The following DNAH8 variants were observed in gnomAD, a reference collection of about 807,000 sequenced individuals.
The protein encoded by DNAH8 is axonemal beta dynein heavy chain 8.
In DNAH8, 382 loss-of-function variants were observed where a neutral mutation model predicts 562.1. That is an observed-to-expected ratio of 0.68 (90% CI 0.63 to 0.74). The LOEUF (loss-of-function observed/expected upper bound fraction) is 0.74, where lower values mean the gene tolerates loss of function less well. DNAH8 is among the 30% of genes least tolerant of loss of function. DNAH8 has a pLI of 0.00. For synonymous variants in DNAH8, 1,881 were observed against 1,919.4 expected (o/e 0.98, Z 0.52); for missense variants, 5,203 against 5,620.4 (o/e 0.93, Z 2.37).
chr6:38,808,669 A>G (rs1399933154), intron 24 of DNAH8, among the ~76,000 whole-genome samples: 1 of 152,236 alleles, frequency 6.6e-6, no homozygotes, highest in African/African-American at 2.4e-5. Context: ...TGTTCACAAT[A>G]GCAAAGGCTT....
Position 38,875,668 on chromosome 6 carries a change from A to G in DNAH8, c.7698A>G (p.Leu2566=), listed in dbSNP as rs1777941686. The change falls in exon 53 of 93, where the codon TTA becomes TTG. Residue 2566 remains leucine (L), a synonymous_variant. Coordinates refer to ENST00000327475, the MANE Select transcript of DNAH8 (RefSeq NM_001206927.2). The part of the protein sequence containing the change: ...GVSCVEHLHK[L]FVFGLMWSLG... ...CCTGTGTCGAACATCTTCATAAATT[A>G]TTTGTGTTTGGCCTAATGTGGAGTT... The G allele has an allele frequency of 6.2e-7, 1 of 1,613,856 alleles. No homozygotes were observed. The highest frequency in any genetic ancestry group is 8.5e-7 in the Non-Finnish European group (1 of 1,179,828).
chr6:38,878,151 T>C (rs1778170325), intron 53 of DNAH8, among the ~76,000 whole-genome samples: 1 of 152,190 alleles, frequency 6.6e-6, no homozygotes, highest in East Asian at 1.9e-4. Flanking sequence ...GTGTCAATAT[T>C]TTGAATAATT....
In DNAH8 at chr6:38,778,481, A is replaced by G; in HGVS notation, c.2039+17A>G. On this transcript the variant is annotated intron_variant, in intron 14 of 92. Coordinates refer to ENST00000327475, the MANE Select transcript of DNAH8 (RefSeq NM_001206927.2). ...ACTTCAAAGGTATTCATAACACTTT[A>G]AGCAGAGTAGTTTCTGGGGGGAATA... The G allele has an allele frequency of 6.8e-7, 1 of 1,473,164 alleles. No individual in the cohort carries two copies. Among genetic ancestry groups the G allele is most frequent in the Non-Finnish European group, 9.3e-7 (1 of 1,071,576 alleles). The allele number at this position is 1,473,164 out of a possible 1,614,324, so 91.3% of individuals were successfully genotyped here. A position where few individuals can be genotyped will look rare whatever the true frequency, so the allele number is the denominator to read the frequency against.
At chr6:38,864,376 A>G (rs1002511775) in intron 45 of DNAH8, among the ~76,000 whole-genome samples, 14 of 152,194 alleles carry the variant, frequency 9.2e-5, no homozygotes, top group Non-Finnish European at 1.8e-4. Flanking sequence ...AGATGGCATA[A>G]CTCATGTGGT....
chr6:38,990,296 T>C, intron 88 of DNAH8, 124 bp downstream of exon 88: 1 of 694,584 alleles, frequency 1.4e-6, no homozygotes, highest in South Asian at 2.2e-5. Context: ...CTGTGAAAAA[T>C]AGTGTCGCTT....
intron 76 of DNAH8, among the ~76,000 whole-genome samples, chr6:38,934,057 C>T (rs1221928103): frequency 1.3e-5 from 2 of 152,134 alleles, no homozygotes; most frequent in Non-Finnish European, 2.9e-5. Flanking sequence ...GATTGTGATA[C>T]AAACTATATT....
chr6:38,980,295 A>G (rs749698499), intron 85 of DNAH8, among the ~76,000 whole-genome samples: 5 of 152,210 alleles, frequency 3.3e-5, no homozygotes, highest in Non-Finnish European at 5.9e-5. Flanking sequence ...GACCACATAT[A>G]TCAATATGAA....
chr6:38,922,143 T>A (rs1324255211), intron 71 of DNAH8, among the ~76,000 whole-genome samples: 1 of 151,814 alleles, frequency 6.6e-6, no homozygotes, highest in Non-Finnish European at 1.5e-5. Flanking sequence ...ATATGATGGC[T>A]TAGCTTTGGC....
intron 32 of DNAH8, among the ~76,000 whole-genome samples, chr6:38,836,440 C>G (rs1037254199): frequency 7.6e-5 from 7 of 91,816 alleles, no homozygotes; most frequent in South Asian, 7.8e-4. Flanking sequence ...GAGCAAGACT[C>G]CATCTCAAAA....
intron 29 of DNAH8, among the ~76,000 whole-genome samples, chr6:38,827,472 G>A (rs1315004753): frequency 6.6e-6 from 1 of 152,014 alleles, no homozygotes; most frequent in Non-Finnish European, 1.5e-5. Context: ...TATAAACAAT[G>A]CACTGCCTCA....
At chr6:38,740,141 A>G (rs1764409140) in intron 7 of DNAH8, among the ~76,000 whole-genome samples, 1 of 152,214 alleles carries the variant, frequency 6.6e-6, no homozygotes, top group Non-Finnish European at 1.5e-5. Flanking sequence ...TGGCATGCCA[A>G]GTCTTTTCTC....
At chr6:38,958,712 T>G (rs986251208) in intron 82 of DNAH8, among the ~76,000 whole-genome samples, 2 of 150,708 alleles carry the variant, frequency 1.3e-5, no homozygotes, top group Non-Finnish European at 2.9e-5. Flanking sequence ...TATCAAACAT[T>G]TAAGGAAGAA....
chr6:38,923,131 G>A lies in DNAH8; in HGVS notation c.10736G>A (p.Gly3579Glu), dbSNP rs1215830936. Residue 3579 changes from glycine (G) to glutamate (E), a missense_variant, in exon 72 of 93, where the codon GGA becomes GAA. Physicochemically the swap from Gly to Glu is moderately conservative, Grantham distance 98. This residue lies in a region of DNAH8 where 1,399 missense variants were observed against 1,518.4 expected (regional missense o/e 0.92). Transcript: ENST00000327475. ...TCCACTCTCATCGATGGGCTGAGTG[G>A]AGAAAAAATCCGGTGGACCCAGCAA... Reference protein sequence around the residue: ...AASTLIDGLSGEKIRWTQQSK... With the variant: ...AASTLIDGLSEEKIRWTQQSK... The A allele has an allele frequency of 2.3e-5, 37 of 1,613,672 alleles. No homozygotes were observed. The highest frequency in any genetic ancestry group is 3.1e-5 in the Non-Finnish European group (36 of 1,179,836).
chr6:38,805,963 A>G (rs781385313), intron 23 of DNAH8, among the ~76,000 whole-genome samples: 2 of 152,234 alleles, frequency 1.3e-5, no homozygotes, highest in African/African-American at 2.4e-5. Flanking sequence ...TTGCAAGTCC[A>G]GATTGTGGTT....
At chr6:38,717,623 CAT>C (rs1312635081) in intron 1 of DNAH8, among the ~76,000 whole-genome samples, 27 of 140,872 alleles carry the variant, frequency 1.9e-4, no homozygotes, top group South Asian at 8.7e-4. Context: ...AAAATGTACA[CAT>C]GATTTTTTTT....
chr6:38,943,452 G>A (rs965547407), intron 79 of DNAH8, among the ~76,000 whole-genome samples: 7 of 151,816 alleles, frequency 4.6e-5, no homozygotes, highest in African/African-American at 1.7e-4. Flanking sequence ...ATTTATCCTA[G>A]CAGAAATGTT....
Position 39,008,979 on chromosome 6 carries a change from T to G in DNAH8, c.13371+9T>G. The G allele has an allele frequency of 6.3e-7, 1 of 1,596,208 alleles. No individual in the cohort carries two copies. On this transcript the variant is annotated intron_variant, in intron 89 of 92. Transcript: ENST00000327475. ...ATTACATTCCTCATGAGGTAAGTCTTGCTGGTTTCCCACTGGCATACAGGG... is the reference window on the plus strand; with the variant it reads ...ATTACATTCCTCATGAGGTAAGTCTGGCTGGTTTCCCACTGGCATACAGGG...
intron 91 of DNAH8, among the ~76,000 whole-genome samples, chr6:39,013,279 G>T (rs1766350712): frequency 6.6e-6 from 1 of 152,084 alleles, no homozygotes; most frequent in Admixed American, 6.5e-5. Flanking sequence ...AGTAATTCTT[G>T]GTGAAAATGA....
At chr6:38,920,426 C>A (rs1781612420) in intron 70 of DNAH8, among the ~76,000 whole-genome samples, 1 of 151,988 alleles carries the variant, frequency 6.6e-6, no homozygotes, top group Non-Finnish European at 1.5e-5. Context: ...AGGCTTTGGG[C>A]CTAGATTATT....
Sources: gnomAD v4.1 joint callset for allele counts (sites outside exome capture counted in the v4.1 genomes callset) on GRCh38, gnomAD v4.1.1 for gene constraint, gnomAD v4.1.1 regional missense constraint, MANE v1.5 for transcripts, NCBI Gene and HGNC (gene_info 2026-07-23, HGNC 2026-07-21) for gene names.